The following SLIRP variants were observed in gnomAD, a reference collection of about 807,000 sequenced individuals.
SLIRP encodes the protein SRA stem-loop interacting RNA binding protein.
Under a neutral mutation model 13.4 loss-of-function variants are expected in SLIRP, and 12 were observed. The ratio of observed to expected loss-of-function variants is 0.89; its 90% confidence interval spans 0.57 to 1.45. SLIRP has a LOEUF of 1.45. Ranked by LOEUF, SLIRP falls within the 40% of genes most tolerant of loss-of-function variation. The probability of loss-of-function intolerance (pLI) is 0.00; values close to 1 mark genes in which losing one functional copy is unlikely to be tolerated. For missense variants in SLIRP, 154 were observed against 132.2 expected (o/e 1.17, Z -0.81); for synonymous variants, 55 against 47.1 (o/e 1.17, Z -0.69).
chr14:77,710,065 A>G (rs189339576), intron 1 of SLIRP, among the ~76,000 whole-genome samples: 1 of 152,368 alleles, frequency 6.6e-6, no homozygotes, highest in Admixed American at 6.5e-5. Context: ...AATAGATATT[A>G]TAAAAAGTAA....
At chr14:77,712,231 A>G (rs2080445835) in intron 2 of SLIRP, among the ~76,000 whole-genome samples, 1 of 151,794 alleles carries the variant, frequency 6.6e-6, no homozygotes, top group East Asian at 1.9e-4. Context: ...TCAACTGGGG[A>G]AAAAGACTGA....
intron 1 of SLIRP, 107 bp from the exon 2 acceptor site, chr14:77,710,731 A>G: frequency 6.3e-7 from 1 of 1,576,820 alleles, no homozygotes. Flanking sequence ...AAGGAAATGC[A>G]AAGTAGTTCC....
intron 3 of SLIRP, among the ~76,000 whole-genome samples, chr14:77,716,664 A>AT (rs2080484710): frequency 7.9e-6 from 1 of 126,706 alleles, no homozygotes; most frequent in Non-Finnish European, 1.7e-5. Context: ...AAAAAAAAAA[A>AT]TGGGGGGTGG....
rs760496775 is a variant in SLIRP at position 77,717,569 on chromosome 14, GC to G, written c.*10del. The G allele has an allele frequency of 3.7e-4, 591 of 1,609,930 alleles. No homozygotes were observed. Among genetic ancestry groups the G allele is most frequent in the Non-Finnish European group, 4.6e-4 (540 of 1,177,266 alleles). On this transcript the variant is annotated 3_prime_UTR_variant, in exon 4 of 4. Transcript: ENST00000557342. Reference sequence around the variant, plus strand: ...GAAAAGAAAGATTTTTGAGACTGCAGCCTATTAATAAAGTTAACATAACTGA... The same window carrying G: ...GAAAAGAAAGATTTTTGAGACTGCAGCTATTAATAAAGTTAACATAACTGA...
rs549650100 is a variant in SLIRP at position 77,712,384 on chromosome 14, C to T, written c.156+1488C>T. ...TGCCTCCTGGGTTCAAGCCATTCTC[C>T]TGCCTCAGCCTCCTGAGTAGCTGGG... On this transcript the variant is annotated intron_variant, in intron 2 of 3. Coordinates refer to ENST00000557342, the MANE Select transcript of SLIRP (RefSeq NM_031210.6). Among the ~76,000 whole-genome samples, 272 of 151,920 alleles carry T rather than the reference C, an allele frequency of 1.8e-3. 1 individual carries two copies. Among genetic ancestry groups the T allele is most frequent in the African/African-American group, 6.2e-3 (258 of 41,408 alleles).
At chr14:77,712,303 T>C (rs1005330367) in intron 2 of SLIRP, among the ~76,000 whole-genome samples, 1 of 151,160 alleles carries the variant, frequency 6.6e-6, no homozygotes, top group Non-Finnish European at 1.5e-5. Context: ...GATGGAGTCT[T>C]TCTCCCTTGC....
At chr14:77,714,410 C>T (rs2080461185) in intron 2 of SLIRP, among the ~76,000 whole-genome samples, 1 of 152,200 alleles carries the variant, frequency 6.6e-6, no homozygotes, top group Non-Finnish European at 1.5e-5. Flanking sequence ...AAGTGATCCC[C>T]CTTCCTCAGT....
chr14:77,708,926 T>G (rs1207937483), intron 1 of SLIRP, among the ~76,000 whole-genome samples: 1 of 152,196 alleles, frequency 6.6e-6, no homozygotes, highest in African/African-American at 2.4e-5. Context: ...TGTTATCACT[T>G]GAATAACTGA....
At position 77,715,756 on chromosome 14, in the gene SLIRP, T is replaced by A; in HGVS notation, c.157-16T>A. On this transcript the variant is annotated splice_polypyrimidine_tract_variant and intron_variant, in intron 2 of 3. Transcript: ENST00000557342. ...GAAGTTCATGATTAATCTTTTCCTA[T>A]ATTTTGAATTTTTAGGACAAGGAGA... 1.3e-6 allele frequency: 2 copies of A among 1,596,888 alleles called. No individual in the cohort carries two copies. The highest frequency in any genetic ancestry group is 1.7e-6 in the Non-Finnish European group (2 of 1,171,290).
At chr14:77,712,301 CTT>C (rs935254998) in intron 2 of SLIRP, among the ~76,000 whole-genome samples, 22 of 143,192 alleles carry the variant, frequency 1.5e-4, no homozygotes, top group Non-Finnish European at 3.3e-4. Flanking sequence ...GAGATGGAGT[CTT>C]TCTCCCTTGC....
At chr14:77,710,367 G>C (rs2080430709) in intron 1 of SLIRP, among the ~76,000 whole-genome samples, 1 of 152,178 alleles carries the variant, frequency 6.6e-6, no homozygotes, top group Non-Finnish European at 1.5e-5. Flanking sequence ...AATTCAATTA[G>C]TTGTACTAGA....
chr14:77,708,138 T>C lies in SLIRP; in HGVS notation c.27T>C (p.Ala9=), dbSNP rs1297456203. 2.5e-6 allele frequency: 4 copies of C among 1,613,978 alleles called. No individual in the cohort carries two copies. The highest frequency in any genetic ancestry group is 3.3e-5 in the Admixed American group (2 of 60,026). Residue 9 remains alanine, a synonymous_variant, in exon 1 of 4, where the codon GCT becomes GCC. Transcript: ENST00000557342. MAASAARG[A]AALRRSINQP... ...TGGCGGCCTCAGCAGCGAGAGGTGCTGCGGCGCTGCGTAGAAGTATCAATC... is the reference window on the plus strand; with the variant it reads ...TGGCGGCCTCAGCAGCGAGAGGTGCCGCGGCGCTGCGTAGAAGTATCAATC...
chr14:77,715,971 A>G (rs1438341481), intron 3 of SLIRP, 92 bp downstream of exon 3: 11 of 1,011,308 alleles, frequency 1.1e-5, no homozygotes, highest in Non-Finnish European at 1.7e-5. Flanking sequence ...ATGTGGAATG[A>G]TGGGGACTTG....
At chr14:77,709,478 A>G (rs2080423580) in intron 1 of SLIRP, among the ~76,000 whole-genome samples, 1 of 152,262 alleles carries the variant, frequency 6.6e-6, no homozygotes, top group African/African-American at 2.4e-5. Flanking sequence ...GAGGAGTTTC[A>G]TTAGCATCTT....
At chr14:77,716,677 G>C (rs1044212984) in intron 3 of SLIRP, among the ~76,000 whole-genome samples, 2 of 150,280 alleles carry the variant, frequency 1.3e-5, no homozygotes, top group Non-Finnish European at 3.0e-5. Flanking sequence ...GGGGGTGGTA[G>C]AGTGCCCAGT....
Position 77,708,159 on chromosome 14 carries a change from C to T in SLIRP, c.48C>T (p.Ile16=), listed in dbSNP as rs1260264039. 2.7e-5 allele frequency: 43 copies of T among 1,614,052 alleles called. No individual in the cohort carries two copies. Among genetic ancestry groups the T allele is most frequent in the Non-Finnish European group, 3.6e-5 (43 of 1,180,036 alleles). Residue 16 remains isoleucine, a synonymous_variant, in exon 1 of 4, where the codon ATC becomes ATT. Coordinates refer to ENST00000557342, the MANE Select transcript of SLIRP (RefSeq NM_031210.6). The part of the protein sequence containing the change: ...ARGAAALRRS[I]NQPVAFVRRI... ...GTGCTGCGGCGCTGCGTAGAAGTAT[C>T]AATCAGCCGGTTGCTTTTGTGAGAA... is the stretch of plus-strand genomic sequence containing the variant.
intron 2 of SLIRP, among the ~76,000 whole-genome samples, chr14:77,712,780 T>C (rs529480885): frequency 6.6e-6 from 1 of 152,202 alleles, no homozygotes; most frequent in African/African-American, 2.4e-5. Context: ...TGAGGTCTGT[T>C]TTCTTGTTGA....
rs372778338 is a variant in SLIRP, at chr14:77,715,917, C to T, written c.264+38C>T. 9.4e-6 allele frequency: 13 copies of T among 1,387,508 alleles called. No homozygotes were observed. The East Asian group carries it at 1.8e-4, about 20-fold the overall frequency. 85.9% of individuals were successfully genotyped at this position (1,387,508 alleles called of 1,614,324 possible). A position where few individuals can be genotyped will look rare whatever the true frequency, so the allele number is the denominator to read the frequency against. On this transcript the variant is annotated intron_variant, in intron 3 of 3. Coordinates refer to ENST00000557342, the MANE Select transcript of SLIRP (RefSeq NM_031210.6). ...CTATGCCAGATACATACATGATATA[C>T]ATGTAGGTACTATTTAATTATGTAT...
chr14:77,716,016 T>C lies in SLIRP; in HGVS notation c.264+137T>C, dbSNP rs1293457362. On this transcript the variant is annotated intron_variant, in intron 3 of 3. Transcript: ENST00000557342. ...GTAACTGAAGCTGCCTTAATGCTTG[T>C]TAAGAATGGTGGGGTGGAGGCTGGG... is the stretch of plus-strand genomic sequence containing the variant. 7.7e-5 allele frequency: 58 copies of C among 753,000 alleles called. 1 individual carries two copies. The Admixed American group carries it at 1.4e-3, about 19-fold the overall frequency. 46.6% of individuals were successfully genotyped at this position (753,000 alleles called of 1,614,324 possible). A position where few individuals can be genotyped will look rare whatever the true frequency, so the allele number is the denominator to read the frequency against.
Sources: gnomAD v4.1 joint callset for allele counts (sites outside exome capture counted in the v4.1 genomes callset) on GRCh38, gnomAD v4.1.1 for gene constraint, MANE v1.5 for transcripts, NCBI Gene and HGNC (gene_info 2026-07-23, HGNC 2026-07-21) for gene names.